Variants in EYS observed in about 807,000 individuals in gnomAD.
EYS encodes EGF-like photoreceptor maintenance factor, also known as protein eyes shut homolog.
A neutral mutation model predicts 282.1 loss-of-function variants in EYS; 250 were observed. That is an observed-to-expected ratio of 0.89 (90% CI 0.80 to 0.98). The LOEUF is 0.98. Ranked by LOEUF, EYS falls within the 50% of genes least tolerant of loss-of-function variation. The pLI is 0.00. For synonymous variants in EYS, 1,355 were observed against 1,282.9 expected (o/e 1.06, Z -1.20); for missense variants, 4,016 against 3,709.0 (o/e 1.08, Z -2.15).
At chr6:65,443,804 CAT>C (rs1382774161) in intron 5 of EYS, among the ~76,000 whole-genome samples, 1 of 151,652 alleles carries the variant, frequency 6.6e-6, no homozygotes, top group South Asian at 2.1e-4. Context: ...ATTATGTACA[CAT>C]ATATGTAGTA....
intron 19 of EYS, among the ~76,000 whole-genome samples, chr6:64,864,382 C>CTTTTTTTTTTTTTTTTTTTTTTTT (rs1562231995): frequency 2.5e-5 from 1 of 40,076 alleles, no homozygotes; most frequent in African/African-American, 7.4e-5. Context: ...GGTGCTATAC[C>CTTTTTTTTTTTTTTTTTTTTTTTT]TTCTTTTTTT....
chr6:65,462,207 C>G lies in EYS; in HGVS notation c.862+28387G>C, dbSNP rs555379260. 1.6e-3 allele frequency among the ~76,000 whole-genome samples: 249 copies of G among 152,174 alleles called. 1 individual carries two copies. Among genetic ancestry groups the G allele is most frequent in the South Asian group, 3.5e-3 (17 of 4,830 alleles). Reference sequence around the variant, plus strand: ...AGATATGCTGAGTGAAAGAAGTCAACTTAAATAATTCATGTAATGTATGAT... The same window carrying G: ...AGATATGCTGAGTGAAAGAAGTCAAGTTAAATAATTCATGTAATGTATGAT... On this transcript the variant is annotated intron_variant, in intron 5 of 42. Transcript: ENST00000503581.
chr6:63,870,807 A>G (rs532024909), intron 35 of EYS, among the ~76,000 whole-genome samples: 3 of 152,292 alleles, frequency 2.0e-5, no homozygotes, highest in African/African-American at 7.2e-5. Flanking sequence ...CTACCTCTTG[A>G]ACCCCGTGGT....
intron 26 of EYS, among the ~76,000 whole-genome samples, chr6:64,505,444 C>T (rs1294944887): frequency 6.6e-6 from 1 of 152,132 alleles, no homozygotes; most frequent in South Asian, 2.1e-4. Flanking sequence ...GTATTTCAGG[C>T]CTATTCACAT....
At chr6:65,163,090 G>A (rs771749145) in intron 12 of EYS, among the ~76,000 whole-genome samples, 2 of 151,046 alleles carry the variant, frequency 1.3e-5, no homozygotes, top group Admixed American at 6.6e-5. Context: ...TGGTTCTAAA[G>A]TTCTCATAGC....
chr6:64,144,402 AAAAT>A (rs1774442385), intron 31 of EYS, among the ~76,000 whole-genome samples: 1 of 152,200 alleles, frequency 6.6e-6, no homozygotes, highest in Admixed American at 6.6e-5. Context: ...TTCCAAAAGG[AAAAT>A]AGCTTCAATA....
intron 26 of EYS, among the ~76,000 whole-genome samples, chr6:64,466,686 C>T (rs1582790185): frequency 1.3e-5 from 2 of 152,038 alleles, no homozygotes; most frequent in African/African-American, 4.8e-5. Flanking sequence ...AATGGTGACT[C>T]TAGTTAATAA....
intron 29 of EYS, among the ~76,000 whole-genome samples, chr6:64,358,233 TAG>T (rs1381302599): frequency 6.6e-6 from 1 of 151,602 alleles, no homozygotes; most frequent in African/African-American, 2.4e-5. Flanking sequence ...TGCAGCTTGA[TAG>T]AGACTGTCAA....
At chr6:65,668,742 A>T (rs1184950133) in intron 1 of EYS, among the ~76,000 whole-genome samples, 1 of 151,946 alleles carries the variant, frequency 6.6e-6, no homozygotes, top group Non-Finnish European at 1.5e-5. Context: ...TTAAACATTG[A>T]AGACATTGGC....
intron 13 of EYS, among the ~76,000 whole-genome samples, chr6:65,052,593 C>T (rs1773303426): frequency 6.6e-6 from 1 of 151,430 alleles, no homozygotes; most frequent in Admixed American, 6.6e-5. Flanking sequence ...AATATGTATG[C>T]AGTCTGGATC....
intron 12 of EYS, among the ~76,000 whole-genome samples, chr6:65,283,490 T>TC (rs1325253733): frequency 6.6e-6 from 1 of 151,970 alleles, no homozygotes; most frequent in Non-Finnish European, 1.5e-5. Flanking sequence ...ACATCTTTTA[T>TC]TTTTTCTATT....
At chr6:63,839,470 G>A (rs1226898199) in intron 36 of EYS, among the ~76,000 whole-genome samples, 1 of 152,002 alleles carries the variant, frequency 6.6e-6, no homozygotes, top group Non-Finnish European at 1.5e-5. Flanking sequence ...CTGTTGATGG[G>A]CACTTAGGTT....
rs1333325429 is a variant in EYS at position 63,738,682 on chromosome 6, A to G, written c.8072-12002T>C. Among the ~76,000 whole-genome samples the G allele has an allele frequency of 1.3e-5, 2 of 151,886 alleles. 1 individual carries two copies. The highest frequency in any genetic ancestry group is 1.3e-4 in the Admixed American group (2 of 15,246). ...CAGCACACCAGCATGGCACATGTAT[A>G]CATATGTAACTAACCTGCACATTGT... On this transcript the variant is annotated intron_variant, in intron 41 of 42. Coordinates refer to ENST00000503581, the MANE Select transcript of EYS (RefSeq NM_001142800.2).
intron 33 of EYS, among the ~76,000 whole-genome samples, chr6:64,058,618 T>C (rs1473681525): frequency 6.6e-6 from 1 of 152,196 alleles, no homozygotes; most frequent in Admixed American, 6.5e-5. Flanking sequence ...TAAATCCTGT[T>C]ATTTAACTGT....
At chr6:65,328,583 A>T (rs1167115576) in intron 11 of EYS, among the ~76,000 whole-genome samples, 1 of 151,126 alleles carries the variant, frequency 6.6e-6, no homozygotes, top group Non-Finnish European at 1.5e-5. Context: ...ATCAAATTGG[A>T]CTAAAATAAT....
In EYS at chr6:65,056,639, T is replaced by C. The variant is rs566653497; in HGVS notation, c.2137+975A>G. Among the ~76,000 whole-genome samples, 48 of 152,108 alleles carry C rather than the reference T, an allele frequency of 3.2e-4. 1 individual carries two copies. The South Asian group carries it at 8.3e-3, about 26-fold the overall frequency. On this transcript the variant is annotated intron_variant, in intron 13 of 42. Coordinates refer to ENST00000503581, the MANE Select transcript of EYS (RefSeq NM_001142800.2). Reference sequence around the variant, plus strand: ...ATTTTTACCGAGATTACTTAGGCCATTCCCTCTGTATCTTTAAAGATGTAT... The same window carrying C: ...ATTTTTACCGAGATTACTTAGGCCACTCCCTCTGTATCTTTAAAGATGTAT...
chr6:64,028,085 C>T (rs1198739336), intron 33 of EYS, among the ~76,000 whole-genome samples: 1 of 152,180 alleles, frequency 6.6e-6, no homozygotes, highest in Non-Finnish European at 1.5e-5. Flanking sequence ...CTGAAAGTCC[C>T]ACACCCTTAT....
intron 33 of EYS, among the ~76,000 whole-genome samples, chr6:64,036,823 A>C (rs143839683): frequency 2.2e-3 from 342 of 152,284 alleles, no homozygotes; most frequent in African/African-American, 7.7e-3. Flanking sequence ...CCTTCTACAG[A>C]TGAGGACACT....
intron 31 of EYS, among the ~76,000 whole-genome samples, chr6:64,179,029 G>T (rs1019337887): frequency 6.6e-6 from 1 of 151,906 alleles, no homozygotes; most frequent in Non-Finnish European, 1.5e-5. Context: ...TCCTTGGCAT[G>T]AAAAAGCAAT....
Sources: gnomAD v4.1 joint callset for allele counts (sites outside exome capture counted in the v4.1 genomes callset) on GRCh38, gnomAD v4.1.1 for gene constraint, MANE v1.5 for transcripts, NCBI Gene and HGNC (gene_info 2026-07-23, HGNC 2026-07-21) for gene names.